Variants in CNTNAP5 observed in about 807,000 individuals in gnomAD.
CNTNAP5 encodes contactin associated protein family member 5.
CNTNAP5 carries 72 observed loss-of-function variants against 150.2 expected under a neutral mutation model. The ratio of observed to expected loss-of-function variants is 0.48; its 90% CI spans 0.40 to 0.58. The LOEUF (loss-of-function observed/expected upper bound fraction) is 0.58, where lower values mean the gene tolerates loss of function less well. CNTNAP5 is among the 20% of genes least tolerant of loss of function. The probability of loss-of-function intolerance (pLI) is 0.00; values close to 1 mark genes in which losing one functional copy is unlikely to be tolerated. For missense variants in CNTNAP5, 1,636 were observed against 1,626.2 expected (o/e 1.01, Z -0.10); for synonymous variants, 672 against 619.8 (o/e 1.08, Z -1.25).
Position 124,434,462 on chromosome 2 carries a change from C to T in CNTNAP5, c.530-22C>T, listed in dbSNP as rs565340596. Reference sequence around the variant, plus strand: ...TGAGAATATGCACTAATTTTTCTTTCCCGCTCCTTCTTTGTTCCCAGAATC... The same window carrying T: ...TGAGAATATGCACTAATTTTTCTTTTCCGCTCCTTCTTTGTTCCCAGAATC... On this transcript the variant is annotated intron_variant, in intron 4 of 23. Coordinates refer to ENST00000682447, the MANE Select transcript of CNTNAP5 (RefSeq NM_001367498.1). 3.1e-6 allele frequency: 5 copies of T among 1,596,018 alleles called. 1 individual carries two copies. Among genetic ancestry groups the T allele is most frequent in the East Asian group, 4.5e-5 (2 of 44,780 alleles).
chr2:124,455,180 A>G (rs1317847038), intron 6 of CNTNAP5, among the ~76,000 whole-genome samples: 3 of 152,140 alleles, frequency 2.0e-5, no homozygotes, highest in Non-Finnish European at 4.4e-5. Flanking sequence ...AGAAGAGAAA[A>G]AATCCAAATA....
Position 124,055,675 on chromosome 2 carries a change from C to T in CNTNAP5, c.82+29943C>T, listed in dbSNP as rs577857198. 2.6e-5 allele frequency among the ~76,000 whole-genome samples: 4 copies of T among 152,264 alleles called. 1 individual carries two copies. In the South Asian group the frequency reaches 8.3e-4, roughly 32 times the overall value. ...ATCCTGACCTGGACCTCATAAGTTGCCCAGCCAGGTTTCTATGACCTTGAC... is the reference window on the plus strand; with the variant it reads ...ATCCTGACCTGGACCTCATAAGTTGTCCAGCCAGGTTTCTATGACCTTGAC... On this transcript the variant is annotated intron_variant, in intron 1 of 23. Transcript: ENST00000682447.
intron 22 of CNTNAP5, among the ~76,000 whole-genome samples, chr2:124,909,310 A>G (rs1678605434): frequency 6.6e-6 from 1 of 152,156 alleles, no homozygotes; most frequent in South Asian, 2.1e-4. Flanking sequence ...TATAGTATTC[A>G]CTACAGCAAC....
chr2:124,861,074 G>A (rs890485629), intron 19 of CNTNAP5, among the ~76,000 whole-genome samples: 4 of 151,750 alleles, frequency 2.6e-5, no homozygotes, highest in African/African-American at 9.7e-5. Flanking sequence ...GGAGTATTGA[G>A]TAGGTGCTCA....
intron 10 of CNTNAP5, among the ~76,000 whole-genome samples, chr2:124,544,135 T>G (rs1695455951): frequency 6.6e-6 from 1 of 152,120 alleles, no homozygotes; most frequent in Non-Finnish European, 1.5e-5. Flanking sequence ...TAAAAAAAAG[T>G]GCCCTTTGAA....
rs566604439 is a variant in CNTNAP5 at position 124,150,199 on chromosome 2, CA to C, written c.83-71502del. Among the ~76,000 whole-genome samples the C allele has an allele frequency of 2.6e-5, 4 of 152,260 alleles. No homozygotes were observed. The South Asian group carries it at 8.3e-4, about 32-fold the overall frequency. On this transcript the variant is annotated intron_variant, in intron 1 of 23. Transcript: ENST00000682447. ...AGAAAGTATTCATTTGCTGTTATAT[CA>C]AAACATTTAGATTTGTTTGCCCTAC...
At chr2:124,648,760 A>AT (rs1249766912) in intron 13 of CNTNAP5, among the ~76,000 whole-genome samples, 1 of 152,150 alleles carries the variant, frequency 6.6e-6, no homozygotes, top group Non-Finnish European at 1.5e-5. Context: ...GGAGTCAGTC[A>AT]TTTTTTTGTG....
chr2:124,766,762 A>T (rs1681077874), intron 16 of CNTNAP5, among the ~76,000 whole-genome samples: 1 of 152,226 alleles, frequency 6.6e-6, no homozygotes, highest in African/African-American at 2.4e-5. Flanking sequence ...ATATTATTAC[A>T]AAGTAATGAC....
chr2:124,478,480 C>A (rs1200232113), intron 7 of CNTNAP5, among the ~76,000 whole-genome samples: 1 of 152,088 alleles, frequency 6.6e-6, no homozygotes, highest in Non-Finnish European at 1.5e-5. Flanking sequence ...GCTTCCAACA[C>A]CCTGCTTAAG....
At chr2:124,165,720 T>C (rs964777575) in intron 1 of CNTNAP5, among the ~76,000 whole-genome samples, 1 of 152,026 alleles carries the variant, frequency 6.6e-6, no homozygotes, top group Non-Finnish European at 1.5e-5. Flanking sequence ...TCACCAAACA[T>C]GGAGGGGTAG....
chr2:124,411,059 T>G (rs1691746401), intron 3 of CNTNAP5, among the ~76,000 whole-genome samples: 3 of 152,074 alleles, frequency 2.0e-5, no homozygotes, highest in Admixed American at 1.3e-4. Context: ...TCACTGCCGA[T>G]CCCACAGAAA....
chr2:124,399,981 T>G lies in CNTNAP5; in HGVS notation c.382-17462T>G, dbSNP rs546297017. Reference sequence around the variant, plus strand: ...ACTAATGACATTTCATTGAGAACATTCCTCAAAACTCCTATCCTTTGTTTT... The same window carrying G: ...ACTAATGACATTTCATTGAGAACATGCCTCAAAACTCCTATCCTTTGTTTT... On this transcript the variant is annotated intron_variant, in intron 3 of 23. Coordinates refer to ENST00000682447, the MANE Select transcript of CNTNAP5 (RefSeq NM_001367498.1). 8.2e-4 allele frequency among the ~76,000 whole-genome samples: 125 copies of G among 152,198 alleles called. 1 individual carries two copies. Among genetic ancestry groups the G allele is most frequent in the Non-Finnish European group, 1.2e-3 (83 of 68,016 alleles).
chr2:124,169,566 G>A (rs1919845), intron 1 of CNTNAP5, among the ~76,000 whole-genome samples: 147,365 of 152,150 alleles, frequency 0.97, 71,543 homozygotes, highest in East Asian at 1. Flanking sequence ...TTTTAGAAAA[G>A]TAATAAATCG....
intron 11 of CNTNAP5, among the ~76,000 whole-genome samples, chr2:124,605,168 C>A (rs1697073646): frequency 6.6e-6 from 1 of 152,214 alleles, no homozygotes; most frequent in South Asian, 2.1e-4. Flanking sequence ...ACCACCCAGC[C>A]TGGCTGACCC....
At chr2:124,706,785 G>GAAGAAGA (rs1553433512) in intron 13 of CNTNAP5, among the ~76,000 whole-genome samples, 6 of 35,928 alleles carry the variant, frequency 1.7e-4, no homozygotes, top group South Asian at 1.3e-3. Flanking sequence ...AGAAGAAGAA[G>GAAGAAGA]AAGAAGAAGA....
At chr2:124,868,809 T>C (rs1677685114) in intron 20 of CNTNAP5, among the ~76,000 whole-genome samples, 1 of 152,154 alleles carries the variant, frequency 6.6e-6, no homozygotes, top group African/African-American at 2.4e-5. Flanking sequence ...ACATGGCTAA[T>C]GGGATCTTAG....
intron 3 of CNTNAP5, among the ~76,000 whole-genome samples, chr2:124,319,661 T>A (rs1364046797): frequency 1.3e-5 from 2 of 152,174 alleles, no homozygotes; most frequent in Non-Finnish European, 2.9e-5. Flanking sequence ...TGGTTGACAT[T>A]TTGAGCCAGA....
At chr2:124,165,688 A>G in intron 1 of CNTNAP5, among the ~76,000 whole-genome samples, 1 of 152,134 alleles carries the variant, frequency 6.6e-6, no homozygotes, top group East Asian at 1.9e-4. Flanking sequence ...AATGCCTGCA[A>G]TCCTCTATCT....
intron 1 of CNTNAP5, among the ~76,000 whole-genome samples, chr2:124,078,961 A>G (rs1682499435): frequency 6.6e-6 from 1 of 152,198 alleles, no homozygotes; most frequent in Admixed American, 6.6e-5. Flanking sequence ...GGGTGATTAC[A>G]TCTAAACGAA....
Sources: allele counts gnomAD v4.1 joint callset (sites outside exome capture counted in the v4.1 genomes callset), GRCh38; gene constraint gnomAD v4.1.1; transcripts MANE v1.5; gene names NCBI Gene and HGNC (gene_info 2026-07-23, HGNC 2026-07-21).